Variants in TRMT11 observed in about 807,000 individuals in gnomAD.
TRMT11 encodes tRNA (guanine(10)-N(2))-methyltransferase TRMT11.
A neutral mutation model predicts 62.8 loss-of-function variants in TRMT11; 53 were observed. The ratio of observed to expected loss-of-function variants is 0.84; its 90% CI spans 0.68 to 1.06. The LOEUF (loss-of-function observed/expected upper bound fraction) is 1.06, where lower values mean the gene tolerates loss of function less well. Among genes scored for constraint, TRMT11 ranks in the 50% least tolerant of loss-of-function variants. The pLI is 0.00. For missense variants in TRMT11, 556 were observed against 553.4 expected (o/e 1.00, Z -0.05); for synonymous variants, 188 against 190.3 (o/e 0.99, Z 0.10).
intron 17 of TRMT11, among the ~76,000 whole-genome samples, chr6:126,055,113 T>C (rs1451968408): frequency 1.3e-5 from 2 of 152,180 alleles, no homozygotes; most frequent in African/African-American, 4.8e-5. Context: ...TACAGGCACA[T>C]GGCACTTCAC....
chr6:126,093,585 G>GTATATATATATA lies in TRMT11; in HGVS notation c.*1438-19245_*1438-19234dup, dbSNP rs56176946. 8.7e-3 allele frequency among the ~76,000 whole-genome samples: 405 copies of GTATATATATATA among 46,632 alleles called. 26 individuals are homozygous for GTATATATATATA. Among genetic ancestry groups the GTATATATATATA allele is most frequent in the Non-Finnish European group, 0.011 (301 of 26,578 alleles). 30.6% of individuals were successfully genotyped at this position (46,632 alleles called of 152,430 possible). On this transcript the variant is annotated intron_variant and NMD_transcript_variant, in intron 17 of 22. Transcript: ENST00000648977. ...CTAGTGTAGGTAACAGGATATGTAT[G>GTATATATATATA]TATATATATATATATATATATATAT...
At chr6:125,990,447 C>A (rs1790421720) in intron 1 of TRMT11, among the ~76,000 whole-genome samples, 1 of 152,032 alleles carries the variant, frequency 6.6e-6, no homozygotes, top group African/African-American at 2.4e-5. Context: ...TCTGGGGGGC[C>A]CTTTCTCTTT....
At chr6:126,188,085 C>T (rs1033345890) in intron 1 of TRMT11, among the ~76,000 whole-genome samples, 3 of 151,542 alleles carry the variant, frequency 2.0e-5, no homozygotes, top group Admixed American at 1.3e-4. Flanking sequence ...TACAAAAGCA[C>T]GAATTTTAAA....
rs1778627491 is a variant in TRMT11, at chr6:126,193,488, G to GTTTTTTTTTT, written n.144-5310_144-5309insTTTTTTTTTT. 1.1e-3 allele frequency among the ~76,000 whole-genome samples: 126 copies of GTTTTTTTTTT among 118,108 alleles called. 8 individuals are homozygous for GTTTTTTTTTT. The highest frequency in any genetic ancestry group is 4.3e-3 in the African/African-American group (116 of 26,876). The allele number at this position is 118,108 out of a possible 152,430, so 77.5% of individuals were successfully genotyped here. On this transcript the variant is annotated intron_variant and non_coding_transcript_variant, in intron 1 of 3. Coordinates refer to the TRMT11 transcript ENST00000444229. Reference sequence around the variant, plus strand: ...TAGGTTATTTAAGAGGAGCGTTTCTGTATTTTTTTTTTTTTTTTTTTTTTT... The same window carrying GTTTTTTTTTT: ...TAGGTTATTTAAGAGGAGCGTTTCTGTTTTTTTTTTTATTTTTTTTTTTTTTTTTTTTTTT...
intron 17 of TRMT11, among the ~76,000 whole-genome samples, chr6:126,081,662 G>A (rs1453083574): frequency 2.0e-5 from 3 of 151,992 alleles, no homozygotes; most frequent in South Asian, 2.1e-4. Context: ...CAATTTTTTT[G>A]GAGGTCACAT....
At chr6:126,230,428 T>C in the TRMT11 span, among the ~76,000 whole-genome samples, 1 of 152,320 alleles carries the variant, frequency 6.6e-6, no homozygotes, top group East Asian at 1.9e-4. Flanking sequence ...CAGGCGCATC[T>C]GCCATACGGG....
intron 1 of TRMT11, among the ~76,000 whole-genome samples, chr6:126,194,838 G>A (rs868742536): frequency 5.3e-5 from 8 of 152,104 alleles, no homozygotes; most frequent in Admixed American, 3.3e-4. Flanking sequence ...AACTAGGTTG[G>A]GCATAGTAGC....
intron 17 of TRMT11, among the ~76,000 whole-genome samples, chr6:126,097,749 A>G (rs993137720): frequency 6.6e-6 from 1 of 152,076 alleles, no homozygotes; most frequent in African/African-American, 2.4e-5. Context: ...TGAAGACTAA[A>G]ATTTGTTTAA....
At chr6:126,186,450 G>A (rs1778528710) in intron 1 of TRMT11, among the ~76,000 whole-genome samples, 1 of 152,028 alleles carries the variant, frequency 6.6e-6, no homozygotes. Flanking sequence ...ACAAGAAGTG[G>A]GATGTTGAAC....
intron 17 of TRMT11, among the ~76,000 whole-genome samples, chr6:126,064,680 GAC>G (rs1776636099): frequency 1.3e-5 from 2 of 151,546 alleles, no homozygotes; most frequent in South Asian, 4.1e-4. Flanking sequence ...TACCAGGTCA[GAC>G]ACAGGGTTTC....
At chr6:125,989,124 C>CTTTTTTTTT (rs971479523) in intron 1 of TRMT11, among the ~76,000 whole-genome samples, 1 of 94,426 alleles carries the variant, frequency 1.1e-5, no homozygotes, top group African/African-American at 4.2e-5. Flanking sequence ...AGTTTGGATT[C>CTTTTTTTTT]TTTTTTTTTT....
chr6:126,191,157 C>A, intron 1 of TRMT11, among the ~76,000 whole-genome samples: 1 of 151,922 alleles, frequency 6.6e-6, no homozygotes, highest in Non-Finnish European at 1.5e-5. Flanking sequence ...ATGATATCTC[C>A]TTATGGTTTT....
At chr6:126,145,475 C>T (rs905673720) in intron 21 of TRMT11, among the ~76,000 whole-genome samples, 3 of 152,148 alleles carry the variant, frequency 2.0e-5, no homozygotes, top group Non-Finnish European at 4.4e-5. Flanking sequence ...TATTTACAGC[C>T]AACTTTCCAT....
At chr6:126,147,925 A>G (rs1217766498) in intron 21 of TRMT11, among the ~76,000 whole-genome samples, 1 of 152,138 alleles carries the variant, frequency 6.6e-6, no homozygotes, top group African/African-American at 2.4e-5. Flanking sequence ...AAGGGATAGC[A>G]TCAGGAGAAA....
At chr6:126,270,721 T>A in the TRMT11 span, among the ~76,000 whole-genome samples, 7 of 152,212 alleles carry the variant, frequency 4.6e-5, no homozygotes, top group African/African-American at 1.7e-4. Context: ...GAATATTTTT[T>A]AAACATTTCT....
At chr6:126,091,807 C>G (rs11154343) in intron 17 of TRMT11, among the ~76,000 whole-genome samples, 1 of 151,966 alleles carries the variant, frequency 6.6e-6, no homozygotes, top group Admixed American at 6.6e-5. Flanking sequence ...TAAAGAATGC[C>G]GTGCAGCTTG....
the TRMT11 span, among the ~76,000 whole-genome samples, chr6:126,216,131 CA>C: frequency 1.2e-3 from 187 of 152,074 alleles, no homozygotes; most frequent in African/African-American, 4.2e-3. Context: ...CTTTTTATTT[CA>C]GATTGAAAAA....
intron 17 of TRMT11, among the ~76,000 whole-genome samples, chr6:126,084,439 T>TC (rs1231332425): frequency 6.6e-6 from 1 of 152,194 alleles, no homozygotes; most frequent in Non-Finnish European, 1.5e-5. Flanking sequence ...ATTTGTTTTT[T>TC]CACTCTTGAG....
chr6:126,030,132 C>A (rs965216553), intron 12 of TRMT11, among the ~76,000 whole-genome samples: 2 of 152,132 alleles, frequency 1.3e-5, no homozygotes, highest in African/African-American at 4.8e-5. Flanking sequence ...CTAGAGGTTT[C>A]TCTTAATAGT....
Sources: gnomAD v4.1 joint callset for allele counts (sites outside exome capture counted in the v4.1 genomes callset) on GRCh38, gnomAD v4.1.1 for gene constraint, MANE v1.5 for transcripts, NCBI Gene and HGNC (gene_info 2026-07-23, HGNC 2026-07-21) for gene names.